WWC1: variants seen among roughly 807,000 people sequenced by gnomAD.
WWC1 encodes WW and C2 domain containing 1.
WWC1 carries 55 observed loss-of-function variants against 138.4 expected under a neutral mutation model. That is an observed-to-expected ratio of 0.40 (90% confidence interval 0.32 to 0.50). WWC1 has a LOEUF of 0.50. WWC1 is among the 20% of genes least tolerant of loss of function. The probability of loss-of-function intolerance (pLI) is 0.72; values close to 1 mark genes in which losing one functional copy is unlikely to be tolerated. For synonymous variants in WWC1, 524 were observed against 564.9 expected, an observed-to-expected ratio of 0.93 and a Z score of 1.03; for missense variants, 1,226 against 1,420.4, an observed-to-expected ratio of 0.86 and a Z score of 2.20.
chr5:168,423,149 C>CAAAAAAAAAA (rs773855632), intron 10 of WWC1, among the ~76,000 whole-genome samples: 14 of 71,282 alleles, frequency 2.0e-4, no homozygotes, highest in Non-Finnish European at 2.8e-4. Flanking sequence ...CATCCCCCCC[C>CAAAAAAAAAA]AAAAAAAAAA....
chr5:168,302,844 A>G (rs564033769), intron 1 of WWC1, among the ~76,000 whole-genome samples: 1 of 152,284 alleles, frequency 6.6e-6, no homozygotes, highest in Admixed American at 6.5e-5. Context: ...CAGGGATTAA[A>G]CCAACAAAAA....
At chr5:168,463,865 C>CA (rs1159044593) in intron 20 of WWC1, among the ~76,000 whole-genome samples, 1 of 152,188 alleles carries the variant, frequency 6.6e-6, no homozygotes, top group African/African-American at 2.4e-5. Context: ...GCTTAATTCT[C>CA]AAACAGGTCA....
chr5:168,450,976 C>T (rs1755754417), intron 17 of WWC1, among the ~76,000 whole-genome samples: 1 of 152,114 alleles, frequency 6.6e-6, no homozygotes, highest in South Asian at 2.1e-4. Context: ...AGATTTCTTA[C>T]AACTCAATAA....
intron 1 of WWC1, among the ~76,000 whole-genome samples, chr5:168,317,287 G>A (rs1771691243): frequency 6.6e-6 from 1 of 152,174 alleles, no homozygotes; most frequent in South Asian, 2.1e-4. Flanking sequence ...TGAGTTCTCT[G>A]ACATTTCTCA....
At chr5:168,405,336 G>T (rs1313311267) in intron 5 of WWC1, among the ~76,000 whole-genome samples, 1 of 152,086 alleles carries the variant, frequency 6.6e-6, no homozygotes, top group African/African-American at 2.4e-5. Context: ...TCAGGGTGGG[G>T]GTACCACCAG....
intron 1 of WWC1, among the ~76,000 whole-genome samples, chr5:168,339,887 CTCTCTCTG>C: frequency 8.5e-6 from 1 of 118,244 alleles, no homozygotes; most frequent in Admixed American, 8.6e-5. Flanking sequence ...CTCTCTCCCT[CTCTCTCTG>C]TCTCTCTCTC....
intron 9 of WWC1, 128 bp from the exon 10 acceptor site, chr5:168,421,880 C>T: frequency 5.9e-6 from 4 of 674,644 alleles, no homozygotes; most frequent in Non-Finnish European, 1.1e-5. Flanking sequence ...GAAGCTCTAG[C>T]TCCCCAGATG....
Position 168,424,021 on chromosome 5 carries a change from G to T in WWC1, c.1763G>T (p.Arg588Ile). 2.5e-6 allele frequency: 4 copies of T among 1,612,894 alleles called. No individual in the cohort carries two copies. In the African/African-American group the frequency reaches 5.3e-5, roughly 21 times the overall value. ...ELSLGNSAQE[R>I]YRLEEPGTEG... ...AGCCTTGGTAACAGCGCCCAGGAAA[G>T]ATACCGGCTGGAGGAACCAGGAACG... is the stretch of plus-strand genomic sequence containing the variant. The change falls in exon 11 of 23, where the codon AGA becomes ATA. Residue 588 changes from arginine (R) to isoleucine (I), a missense_variant. Physicochemically the swap from Arg to Ile is moderately conservative, Grantham distance 97 (BLOSUM62 -3). Transcript: ENST00000265293.
In WWC1 at chr5:168,336,571, C is replaced by CAAA. The variant is rs57339649; in HGVS notation, c.120-34831_120-34829dup. Among the ~76,000 whole-genome samples, 155 of 57,944 alleles carry CAAA rather than the reference C, an allele frequency of 2.7e-3. 4 individuals carry two copies. Among genetic ancestry groups the CAAA allele is most frequent in the East Asian group, 0.026 (45 of 1,756 alleles). The allele number at this position is 57,944 out of a possible 152,430, so 38.0% of individuals were successfully genotyped here. A position where few individuals can be genotyped will look rare whatever the true frequency, so the allele number is the denominator to read the frequency against. On this transcript the variant is annotated intron_variant, in intron 1 of 22. Coordinates refer to ENST00000265293, the MANE Select transcript of WWC1 (RefSeq NM_015238.3). ...TGGGCAACAGAGCCAGACTCTGTCT[C>CAAA]AAAAAAAAAAAAAAAAAAAAAAAAC...
chr5:168,423,614 C>T lies in WWC1; in HGVS notation c.1356C>T (p.Ser452=), dbSNP rs1227377681. The T allele has an allele frequency of 3.7e-6, 6 of 1,614,056 alleles. No homozygotes were observed. The highest frequency in any genetic ancestry group is 5.1e-6 in the Non-Finnish European group (6 of 1,180,050). Reference sequence around the variant, plus strand: ...CCAGCCGGGGCTCCCTGGTTGCATCCAGCCTGGACTCCTCCACTTCAGCCA... The same window carrying T: ...CCAGCCGGGGCTCCCTGGTTGCATCTAGCCTGGACTCCTCCACTTCAGCCA... ...LTSSRGSLVA[S]SLDSSTSASF... is the part of the protein sequence containing the mutation. Residue 452 remains serine (S), a synonymous_variant, in exon 11 of 23, where the codon TCC becomes TCT. Transcript: ENST00000265293.
chr5:168,467,571 A>G (rs1162232972), intron 21 of WWC1: 7 of 387,948 alleles, frequency 1.8e-5, no homozygotes, highest in Non-Finnish European at 3.2e-5. Context: ...TGGCCTGAGG[A>G]TTAGAGGTAG....
chr5:168,330,644 C>T (rs1176826798), intron 1 of WWC1, among the ~76,000 whole-genome samples: 3 of 152,130 alleles, frequency 2.0e-5, no homozygotes, highest in Non-Finnish European at 4.4e-5. Context: ...CCTACATGCA[C>T]TCATTCTTCT....
intron 3 of WWC1, among the ~76,000 whole-genome samples, chr5:168,385,996 A>G (rs1778016132): frequency 6.6e-6 from 1 of 151,964 alleles, no homozygotes; most frequent in East Asian, 1.9e-4. Flanking sequence ...AGATGCACTG[A>G]GCCCCCAGCC....
chr5:168,445,664 T>G (rs1248302501), intron 17 of WWC1, among the ~76,000 whole-genome samples: 1 of 134,938 alleles, frequency 7.4e-6, no homozygotes, highest in Non-Finnish European at 1.5e-5. Flanking sequence ...ATTGCGCCAC[T>G]GCACTCCATC....
intron 1 of WWC1, among the ~76,000 whole-genome samples, chr5:168,365,736 A>G (rs1776241009): frequency 6.6e-6 from 1 of 152,180 alleles, no homozygotes; most frequent in African/African-American, 2.4e-5. Flanking sequence ...CTGTCTCCAC[A>G]GCGACACATC....
chr5:168,440,575 G>A (rs1290009963), intron 15 of WWC1, among the ~76,000 whole-genome samples: 1 of 152,100 alleles, frequency 6.6e-6, no homozygotes. Flanking sequence ...GGAGTGCAAT[G>A]GCACGATCTC....
chr5:168,377,565 A>G (rs1278016313), intron 2 of WWC1, among the ~76,000 whole-genome samples: 1 of 151,760 alleles, frequency 6.6e-6, no homozygotes, highest in Non-Finnish European at 1.5e-5. Context: ...ATCTATAAGG[A>G]ACTTAAAAAA....
chr5:168,455,227 A>G (rs1020777637), intron 18 of WWC1, 129 bp from the exon 19 acceptor site: 3 of 1,222,216 alleles, frequency 2.5e-6, no homozygotes, highest in African/African-American at 1.5e-5. Flanking sequence ...GCTAATGCCA[A>G]GGAAACCCTG....
At chr5:168,379,465 T>A (rs143413700) in intron 2 of WWC1, among the ~76,000 whole-genome samples, 13,396 of 152,142 alleles carry the variant, frequency 0.088, 830 homozygotes, top group African/African-American at 0.17. Context: ...AATGGCGCGA[T>A]CTTGGCTCAC....
Sources: gnomAD v4.1 joint callset for allele counts (sites outside exome capture counted in the v4.1 genomes callset) on GRCh38, gnomAD v4.1.1 for gene constraint, MANE v1.5 for transcripts, NCBI Gene and HGNC (gene_info 2026-07-23, HGNC 2026-07-21) for gene names.